Variants in CCSER1 observed in about 807,000 individuals in gnomAD.
CCSER1 encodes serine-rich coiled-coil domain-containing protein 1.
In CCSER1, 41 loss-of-function variants were observed where a neutral mutation model predicts 82.0. The ratio of observed to expected loss-of-function variants is 0.50; its 90% confidence interval spans 0.39 to 0.65. The LOEUF (loss-of-function observed/expected upper bound fraction) is 0.65. Among genes scored for constraint, CCSER1 ranks in the 30% least tolerant of loss-of-function variants. CCSER1 has a pLI of 0.00. For synonymous variants in CCSER1, 414 were observed against 383.9 expected, an observed-to-expected ratio of 1.08 and a Z score of -0.92; for missense variants, 1,119 against 1,064.2, an observed-to-expected ratio of 1.05 and a Z score of -0.72.
intron 8 of CCSER1, among the ~76,000 whole-genome samples, chr4:90,921,979 G>A (rs1454333): frequency 0.22 from 32,573 of 151,450 alleles, 4,427 homozygotes; most frequent in East Asian, 0.43. Context: ...TTGAAATTTA[G>A]TTTGGAAAAT....
chr4:91,592,823 ATATT>A (rs1397825917), intron 10 of CCSER1, among the ~76,000 whole-genome samples: 1 of 151,992 alleles, frequency 6.6e-6, no homozygotes, highest in Non-Finnish European at 1.5e-5. Context: ...TTGTAAAGCA[ATATT>A]TTTTTTTTGT....
chr4:91,509,749 T>A (rs903460177), intron 10 of CCSER1, among the ~76,000 whole-genome samples: 2 of 152,170 alleles, frequency 1.3e-5, no homozygotes, highest in African/African-American at 4.8e-5. Flanking sequence ...ATTCCAGCTT[T>A]TTTGGTTGTT....
intron 4 of CCSER1, among the ~76,000 whole-genome samples, chr4:90,423,748 A>T (rs1479867975): frequency 6.8e-6 from 1 of 147,222 alleles, no homozygotes; most frequent in African/African-American, 2.5e-5. Flanking sequence ...AAGTGCTGGG[A>T]TTACAGGCGT....
At chr4:91,288,486 A>G (rs1246227052) in intron 10 of CCSER1, among the ~76,000 whole-genome samples, 1 of 151,978 alleles carries the variant, frequency 6.6e-6, no homozygotes, top group Non-Finnish European at 1.5e-5. Context: ...GTGAGATAGG[A>G]AGGAAATATA....
chr4:91,158,483 A>G (rs1488817177), intron 10 of CCSER1, among the ~76,000 whole-genome samples: 1 of 152,020 alleles, frequency 6.6e-6, no homozygotes, highest in Non-Finnish European at 1.5e-5. Flanking sequence ...ATTTTGCTCC[A>G]CTATCATAAA....
intron 4 of CCSER1, among the ~76,000 whole-genome samples, chr4:90,400,966 T>C (rs1164875572): frequency 2.0e-5 from 3 of 152,174 alleles, no homozygotes; most frequent in Non-Finnish European, 4.4e-5. Flanking sequence ...TATATGGTAG[T>C]GTCTTTATTT....
chr4:91,466,534 T>G (rs1756918543), intron 10 of CCSER1, among the ~76,000 whole-genome samples: 1 of 152,122 alleles, frequency 6.6e-6, no homozygotes. Context: ...AAATAATAGG[T>G]ATTCAACTAG....
chr4:91,468,835 A>G (rs918919462), intron 10 of CCSER1, among the ~76,000 whole-genome samples: 2 of 152,116 alleles, frequency 1.3e-5, no homozygotes, highest in Non-Finnish European at 2.9e-5. Flanking sequence ...GTGCTGAGGT[A>G]TAAATACATC....
chr4:91,397,260 C>T (rs1420663067), intron 10 of CCSER1, among the ~76,000 whole-genome samples: 1 of 151,970 alleles, frequency 6.6e-6, no homozygotes, highest in Non-Finnish European at 1.5e-5. Context: ...CAAGAGAGAA[C>T]ATGGTCTTAG....
chr4:91,158,874 C>T (rs1731092452), intron 10 of CCSER1, among the ~76,000 whole-genome samples: 3 of 151,964 alleles, frequency 2.0e-5, no homozygotes, highest in Non-Finnish European at 4.4e-5. Context: ...AGGACATAGG[C>T]ATTACCAGAA....
At chr4:91,392,003 A>G (rs1207081394) in intron 10 of CCSER1, among the ~76,000 whole-genome samples, 3 of 152,058 alleles carry the variant, frequency 2.0e-5, no homozygotes, top group African/African-American at 7.2e-5. Flanking sequence ...ACATATAGAC[A>G]TATTATTCAT....
chr4:90,566,013 A>G (rs891131918), intron 5 of CCSER1, among the ~76,000 whole-genome samples: 1 of 149,912 alleles, frequency 6.7e-6, no homozygotes, highest in Non-Finnish European at 1.5e-5. Flanking sequence ...ACATGCCACC[A>G]CGGCCAGCTA....
At chr4:90,481,548 A>T (rs960246852) in intron 5 of CCSER1, among the ~76,000 whole-genome samples, 12 of 152,212 alleles carry the variant, frequency 7.9e-5, no homozygotes, top group Non-Finnish European at 1.6e-4. Context: ...TGTCCCATCA[A>T]TACTTAATTT....
intron 1 of CCSER1, among the ~76,000 whole-genome samples, chr4:90,147,867 A>G (rs1030262700): frequency 2.0e-5 from 3 of 152,208 alleles, no homozygotes; most frequent in African/African-American, 7.2e-5. Context: ...ATAACAATTT[A>G]AATAATTTTA....
rs1194309659 is a variant in CCSER1 at position 90,409,390 on chromosome 4, G to T, written c.1603+9261G>T. On this transcript the variant is annotated intron_variant, in intron 4 of 10. Transcript: ENST00000509176. Reference sequence around the variant, plus strand: ...AAGGGCAGCCAGAGAGAAAGGTCGGGTTACCCACAAAGGGAAGCCCATCAG... The same window carrying T: ...AAGGGCAGCCAGAGAGAAAGGTCGGTTTACCCACAAAGGGAAGCCCATCAG... Among the ~76,000 whole-genome samples the T allele has an allele frequency of 3.3e-5, 5 of 152,180 alleles. 1 individual carries two copies.
chr4:91,171,973 A>G (rs1732806541), intron 10 of CCSER1, among the ~76,000 whole-genome samples: 1 of 152,090 alleles, frequency 6.6e-6, no homozygotes, highest in African/African-American at 2.4e-5. Flanking sequence ...TTTTTCCCCA[A>G]AGATATTCTG....
chr4:90,907,939 G>GC (rs926407642), intron 8 of CCSER1, among the ~76,000 whole-genome samples: 2 of 152,024 alleles, frequency 1.3e-5, no homozygotes, highest in African/African-American at 4.8e-5. Flanking sequence ...AAGTTCAAAA[G>GC]CTGATCTCTG....
At chr4:90,547,245 GAAA>G (rs200944422) in intron 5 of CCSER1, among the ~76,000 whole-genome samples, 1 of 148,832 alleles carries the variant, frequency 6.7e-6, no homozygotes. Context: ...ATAAAAAAAA[GAAA>G]AAAAAAGGTG....
At chr4:90,784,180 T>C (rs1754172421) in intron 7 of CCSER1, among the ~76,000 whole-genome samples, 2 of 152,184 alleles carry the variant, frequency 1.3e-5, no homozygotes, top group Admixed American at 6.5e-5. Flanking sequence ...AGTAGCATTC[T>C]GAGTGAAGAA....
Sources: gnomAD v4.1 joint callset for allele counts (sites outside exome capture counted in the v4.1 genomes callset) on GRCh38, gnomAD v4.1.1 for gene constraint, MANE v1.5 for transcripts, NCBI Gene and HGNC (gene_info 2026-07-23, HGNC 2026-07-21) for gene names.